The following XPNPEP2 variants were observed in gnomAD, a reference collection of about 807,000 sequenced individuals.
The protein encoded by XPNPEP2 is X-prolyl aminopeptidase 2, also known as xaa-Pro aminopeptidase 2.
In XPNPEP2, 64 loss-of-function variants were observed where a neutral mutation model predicts 59.8. The ratio of observed to expected loss-of-function variants is 1.07; its 90% CI spans 0.87 to 1.32. XPNPEP2 has a LOEUF of 1.32. Among genes scored for constraint, XPNPEP2 ranks in the 40% most tolerant of loss-of-function variants. XPNPEP2 has a pLI of 0.00. For synonymous variants in XPNPEP2, 235 were observed against 210.0 expected (o/e 1.12, Z -1.03); for missense variants, 575 against 546.8 (o/e 1.05, Z -0.51).
intron 14 of XPNPEP2, among the ~76,000 whole-genome samples, chrX:129,758,216 GCTCAGCTTAGC>G (rs1926592102): frequency 8.9e-6 from 1 of 111,962 alleles, no homozygotes; most frequent in African/African-American, 3.3e-5. Flanking sequence ...AGTAGCAGGC[GCTCAGCTTAGC>G]AGCCTTTGCT....
chrX:129,755,193 G>T, intron 12 of XPNPEP2, 101 bp from the exon 13 acceptor site: 1 of 812,145 alleles, frequency 1.2e-6, no homozygotes, highest in Non-Finnish European at 1.8e-6. Flanking sequence ...CAGTTGAGAG[G>T]TAGAGGCAGC....
At chrX:129,751,098 T>TCCC (rs1205828256) in intron 8 of XPNPEP2, among the ~76,000 whole-genome samples, 5 of 16,082 alleles carry the variant, frequency 3.1e-4, no homozygotes, top group African/African-American at 7.1e-4. Flanking sequence ...AGACGCCCAC[T>TCCC]CCCCCACCCC....
At chrX:129,742,270 C>T (rs1435007984) in intron 2 of XPNPEP2, 89 bp downstream of exon 2, 6 of 482,551 alleles carry the variant, frequency 1.2e-5, no homozygotes, top group East Asian at 8.4e-5. Context: ...CGCAGCACCC[C>T]CGCCCTGCTC....
At chrX:129,765,826 C>A (rs970536580) in intron 19 of XPNPEP2, among the ~76,000 whole-genome samples, 8 of 109,286 alleles carry the variant, frequency 7.3e-5, no homozygotes, top group Admixed American at 2.0e-4. Context: ...TTAGTAGAAA[C>A]AGGGTTTCAC....
At chrX:129,767,081 G>T (rs1318666566) in intron 19 of XPNPEP2, among the ~76,000 whole-genome samples, 2 of 110,687 alleles carry the variant, frequency 1.8e-5, no homozygotes, top group Non-Finnish European at 3.8e-5. Flanking sequence ...GGGTGTGGTG[G>T]TGCCCATCAA....
At chrX:129,746,420 G>A in intron 5 of XPNPEP2, 80 bp downstream of exon 5, 1 of 1,020,456 alleles carries the variant, frequency 9.8e-7, no homozygotes, top group South Asian at 1.9e-5. Flanking sequence ...GAGCGTGCAT[G>A]TAAGACCATG....
chrX:129,754,632 TG>T (rs1926484064), intron 12 of XPNPEP2, 51 bp downstream of exon 12: 2 of 1,063,356 alleles, frequency 1.9e-6, no homozygotes, highest in Non-Finnish European at 2.5e-6. Context: ...AGTGTGGCAG[TG>T]GGGGCAGGGA....
chrX:129,768,641 TC>T lies in XPNPEP2; in HGVS notation c.*159del. 2.2e-6 allele frequency: 1 copy of T among 453,977 alleles called. No individual in the cohort carries two copies. The highest frequency in any genetic ancestry group is 2.5e-5 in the African/African-American group (1 of 40,289). The allele number at this position is 453,977 out of a possible 1,213,427, so 37.4% of individuals were successfully genotyped here. ...CCTTCTCCAAGACCTATGGAGAAGG[TC>T]CCAGGCCCCAGGAACACAGGGCTTC... On this transcript the variant is annotated 3_prime_UTR_variant, in exon 21 of 21. Transcript: ENST00000371106.
At chrX:129,764,337 T>C (rs781460137) in intron 19 of XPNPEP2, among the ~76,000 whole-genome samples, 2 of 109,894 alleles carry the variant, frequency 1.8e-5, no homozygotes, top group Admixed American at 1.9e-4. Context: ...CACATGCATG[T>C]GGAAAGATGC....
chrX:129,745,843 T>C (rs1278249899), intron 4 of XPNPEP2, among the ~76,000 whole-genome samples: 1 of 111,701 alleles, frequency 9.0e-6, no homozygotes, highest in Non-Finnish European at 1.9e-5. Context: ...TAGGCTCTTT[T>C]TCCCTTTGCC....
chrX:129,740,664 G>C (rs1262811231), intron 1 of XPNPEP2, among the ~76,000 whole-genome samples: 1 of 108,024 alleles, frequency 9.3e-6, no homozygotes, highest in African/African-American at 3.4e-5. Context: ...GGGGCGTTGG[G>C]CGCAGTGGCT....
rs1356385094 is a variant in XPNPEP2 at position 129,768,354 on chromosome X, C to T, written c.1894C>T (p.Arg632Cys). Residue 632 changes from arginine (R) to cysteine (C), a missense_variant, in exon 21 of 21, where the codon CGC becomes TGC. By Grantham distance (180) the Arg-to-Cys change is radical. Coordinates refer to ENST00000371106, the MANE Select transcript of XPNPEP2 (RefSeq NM_003399.6). ...REKVGPELQR[R>C]QLLEEFEWLQ... Reference sequence around the variant, plus strand: ...GAAGGTGGGTCCAGAGCTGCAGAGGCGCCAGCTACTAGAGGAGTTCGAGTG... The same window carrying T: ...GAAGGTGGGTCCAGAGCTGCAGAGGTGCCAGCTACTAGAGGAGTTCGAGTG... 25 of 1,208,694 alleles carry T rather than the reference C, an allele frequency of 2.1e-5. No homozygotes were observed. The highest frequency in any genetic ancestry group is 8.8e-5 in the South Asian group (5 of 56,515).
At chrX:129,751,116 C>T (rs926364143) in intron 8 of XPNPEP2, among the ~76,000 whole-genome samples, 1 of 77,930 alleles carries the variant, frequency 1.3e-5, no homozygotes, top group Non-Finnish European at 2.5e-5. Flanking sequence ...CCCCCCCCCC[C>T]GGCAAAAAGA....
intron 19 of XPNPEP2, among the ~76,000 whole-genome samples, chrX:129,763,995 C>T (rs1926702071): frequency 9.1e-6 from 1 of 110,248 alleles, no homozygotes; most frequent in African/African-American, 3.3e-5. Flanking sequence ...AATGAGACCA[C>T]AAAAGATGTA....
At chrX:129,742,082 C>G (rs950163565) in intron 1 of XPNPEP2, 26 bp from the exon 2 acceptor site, 11 of 1,201,301 alleles carry the variant, frequency 9.2e-6, no homozygotes, top group Non-Finnish European at 1.2e-5. Flanking sequence ...CCCCAAATGA[C>G]CCTGGATTTT....
In XPNPEP2 at chrX:129,761,196, G is replaced by T. The variant is rs376667744; in HGVS notation, c.1523G>T (p.Arg508Leu). The T allele has an allele frequency of 9.1e-6, 11 of 1,210,235 alleles. No homozygotes were observed. In the Admixed American group the frequency reaches 1.1e-4, roughly 12 times the overall value. Residue 508 changes from arginine (R) to leucine (L), a missense_variant, in exon 17 of 21, where the codon CGC (arginine) becomes CTC (leucine). Transcript: ENST00000371106. ...GGGCGAATGGTGGAGGCCTTTGCCC[G>T]CAGAGCCTTGTGGGATGCTGGTCTC... ...TSGRMVEAFA[R>L]RALWDAGLNY...
At position 129,768,325 on chromosome X, in the gene XPNPEP2, G is replaced by A. The variant is rs144580730; in HGVS notation, c.1865G>A (p.Arg622Gln). Residue 622 changes from arginine to glutamine, a missense_variant, in exon 21 of 21, where the codon CGG becomes CAG. Transcript: ENST00000371106. Reference protein sequence around the residue: ...QYLNRYYQTIREKVGPELQRR... With the variant: ...QYLNRYYQTIQEKVGPELQRR... Reference sequence around the variant, plus strand: ...CTGAATCGCTACTACCAGACCATCCGGGAGAAGGTGGGTCCAGAGCTGCAG... The same window carrying A: ...CTGAATCGCTACTACCAGACCATCCAGGAGAAGGTGGGTCCAGAGCTGCAG... The A allele has an allele frequency of 4.3e-4, 513 of 1,194,554 alleles. No individual in the cohort carries two copies. The highest frequency in any genetic ancestry group is 5.5e-4 in the Non-Finnish European group (487 of 888,637).
intron 7 of XPNPEP2, among the ~76,000 whole-genome samples, chrX:129,749,008 G>C (rs1427035893): frequency 1.8e-5 from 2 of 112,082 alleles, no homozygotes. Context: ...GCAAAGGGCA[G>C]AACATGAAAA....
chrX:129,746,210 C>G (rs779116485), intron 4 of XPNPEP2, 26 bp from the exon 5 acceptor site: 2 of 1,189,854 alleles, frequency 1.7e-6, no homozygotes, highest in African/African-American at 3.5e-5. Context: ...TCACCCTCAC[C>G]TGCAAGTTTC....
Sources: allele counts gnomAD v4.1 joint callset (sites outside exome capture counted in the v4.1 genomes callset), GRCh38; gene constraint gnomAD v4.1.1; transcripts MANE v1.5; gene names NCBI Gene and HGNC (gene_info 2026-07-23, HGNC 2026-07-21).